IQSEC1: variants seen among roughly 807,000 people sequenced by gnomAD.
IQSEC1 encodes the protein IQ motif and SEC7 domain-containing protein 1.
In IQSEC1, 31 loss-of-function variants were observed where a neutral mutation model predicts 91.0. The observed-to-expected ratio is 0.34, with a 90% CI of 0.26 to 0.46. The LOEUF (loss-of-function observed/expected upper bound fraction) is 0.46, where lower values mean the gene tolerates loss of function less well. Ranked by LOEUF, IQSEC1 falls within the 20% of genes least tolerant of loss-of-function variation. The pLI is 1.00. For missense variants in IQSEC1, 1,388 were observed against 1,575.6 expected (o/e 0.88, Z 2.02); for synonymous variants, 699 against 662.6 (o/e 1.05, Z -0.84).
chr3:13,281,208 T>C (rs772342688), intron 1 of IQSEC1, among the ~76,000 whole-genome samples: 9 of 152,248 alleles, frequency 5.9e-5, no homozygotes, highest in South Asian at 2.1e-4. Flanking sequence ...GCTTCTCTTT[T>C]GGTCCTGGTG....
At chr3:13,069,782 C>A (rs1705354176) in intron 1 of IQSEC1, among the ~76,000 whole-genome samples, 1 of 152,190 alleles carries the variant, frequency 6.6e-6, no homozygotes. Context: ...GAAAAGGATG[C>A]TGTAGTTACA....
intron 1 of IQSEC1, among the ~76,000 whole-genome samples, chr3:12,956,918 G>A (rs982471925): frequency 5.3e-5 from 8 of 152,190 alleles, no homozygotes; most frequent in South Asian, 2.1e-4. Context: ...CGTGGGAATC[G>A]AGGGAAGACA....
At position 13,040,032 on chromosome 3, in the gene IQSEC1, A is replaced by G. The variant is rs141166000; in HGVS notation, c.23+32960T>C. On this transcript the variant is annotated intron_variant, in intron 1 of 13. Transcript: ENST00000613206. ...TTAGCGCGCAGAGTTGGTGCTCAGA[A>G]TGAAGCCTCACATGTAGCAGACACT... Among the ~76,000 whole-genome samples the G allele has an allele frequency of 2.5e-3, 374 of 152,344 alleles. 3 individuals are homozygous for G. Among genetic ancestry groups the G allele is most frequent in the African/African-American group, 8.2e-3 (342 of 41,576 alleles).
At chr3:12,997,041 G>C (rs1040832173) in intron 1 of IQSEC1, among the ~76,000 whole-genome samples, 1 of 152,210 alleles carries the variant, frequency 6.6e-6, no homozygotes, top group Non-Finnish European at 1.5e-5. Flanking sequence ...ACACAGCACT[G>C]TGTGTACCAG....
intron 2 of IQSEC1, among the ~76,000 whole-genome samples, chr3:13,129,732 A>G (rs2124912850): frequency 7.1e-6 from 1 of 140,520 alleles, no homozygotes; most frequent in Admixed American, 7.7e-5. Flanking sequence ...ATCTCAGCTC[A>G]TTGCAAGCTC....
At chr3:13,030,521 C>A (rs1210201420) in intron 1 of IQSEC1, among the ~76,000 whole-genome samples, 1 of 152,230 alleles carries the variant, frequency 6.6e-6, no homozygotes, top group African/African-American at 2.4e-5. Flanking sequence ...CCTGATCTAA[C>A]TCCCAGTTAA....
At chr3:12,941,501 T>G (rs1698741730) in intron 2 of IQSEC1, 70 bp downstream of exon 2, 2 of 1,391,174 alleles carry the variant, frequency 1.4e-6, no homozygotes, top group Admixed American at 2.5e-5. Flanking sequence ...CCATGCCTGG[T>G]GGGGGCACAC....
At chr3:13,221,209 C>G (rs574929711) in intron 1 of IQSEC1, among the ~76,000 whole-genome samples, 1 of 152,278 alleles carries the variant, frequency 6.6e-6, no homozygotes, top group African/African-American at 2.4e-5. Context: ...GCCCTGGTCA[C>G]GGTGGGGTGC....
At chr3:13,049,883 ATAC>A (rs1363199686) in intron 1 of IQSEC1, among the ~76,000 whole-genome samples, 1 of 152,068 alleles carries the variant, frequency 6.6e-6, no homozygotes, top group Non-Finnish European at 1.5e-5. Context: ...GCTGTGTGCA[ATAC>A]TCTCTCTCCA....
chr3:12,898,983 T>G lies in IQSEC1; in HGVS notation c.*2000A>C, dbSNP rs966674167. ...CCCAATCACACGGTCCCATGCTGTTTCTTTCTGAGCAGACACCAAAGAAAT... is the reference window on the plus strand; with the variant it reads ...CCCAATCACACGGTCCCATGCTGTTGCTTTCTGAGCAGACACCAAAGAAAT... On this transcript the variant is annotated 3_prime_UTR_variant, in exon 14 of 14. Transcript: ENST00000613206. 1.9e-5 allele frequency: 4 copies of G among 211,270 alleles called. No individual in the cohort carries two copies. In the South Asian group the frequency reaches 3.0e-4, roughly 16 times the overall value. The allele number at this position is 211,270 out of a possible 1,614,324, so 13.1% of individuals were successfully genotyped here. A position where few individuals can be genotyped will look rare whatever the true frequency, so the allele number is the denominator to read the frequency against.
intron 2 of IQSEC1, among the ~76,000 whole-genome samples, chr3:13,117,029 G>A (rs1194075970): frequency 6.6e-6 from 1 of 151,018 alleles, no homozygotes; most frequent in Non-Finnish European, 1.5e-5. Context: ...AGAACACTAT[G>A]AAGAAAAGTG....
At chr3:13,154,000 A>G (rs543963627) in intron 2 of IQSEC1, among the ~76,000 whole-genome samples, 30 of 152,140 alleles carry the variant, frequency 2.0e-4, no homozygotes, top group Non-Finnish European at 2.8e-4. Flanking sequence ...GAGGCAGGGC[A>G]TGGAGGGCCC....
At chr3:13,144,779 C>T (rs1039470607) in intron 2 of IQSEC1, among the ~76,000 whole-genome samples, 1 of 152,208 alleles carries the variant, frequency 6.6e-6, no homozygotes, top group Non-Finnish European at 1.5e-5. Flanking sequence ...AAGGCCAGGA[C>T]TGATAGCCCA....
chr3:13,199,523 G>A (rs958309527), intron 1 of IQSEC1, among the ~76,000 whole-genome samples: 3 of 152,086 alleles, frequency 2.0e-5, no homozygotes, highest in Non-Finnish European at 2.9e-5. Context: ...GAGCAGCACC[G>A]GTGTCCCTGC....
chr3:13,022,418 C>T (rs375043950), intron 1 of IQSEC1: 4 of 1,064,234 alleles, frequency 3.8e-6, no homozygotes, highest in South Asian at 4.5e-5. Context: ...CACAACCTTG[C>T]GCCTGCCTCC....
In IQSEC1 at chr3:12,953,297, C is replaced by T. The variant is rs1238073707; in HGVS notation, c.24-11432G>A. On this transcript the variant is annotated intron_variant, in intron 1 of 13. Coordinates refer to ENST00000613206, the MANE Select transcript of IQSEC1 (RefSeq NM_001134382.3). The stretch of plus-strand genomic sequence containing the variant: ...TGCCGGGGCAGCCCGACCCGATCCG[C>T]GAGGGACACTGAGGCTGATTGTCCG... Among the ~76,000 whole-genome samples, 5 of 152,222 alleles carry T rather than the reference C, an allele frequency of 3.3e-5. No individual in the cohort carries two copies. The East Asian group carries it at 7.7e-4, about 23-fold the overall frequency.
At chr3:12,958,532 G>A (rs1700058367) in intron 1 of IQSEC1, among the ~76,000 whole-genome samples, 1 of 152,220 alleles carries the variant, frequency 6.6e-6, no homozygotes, top group South Asian at 2.1e-4. Context: ...GCAGAGAGTA[G>A]CTGCTGCCAC....
At chr3:13,191,207 G>C (rs1414923749) in intron 1 of IQSEC1, among the ~76,000 whole-genome samples, 5 of 152,196 alleles carry the variant, frequency 3.3e-5, no homozygotes, top group Non-Finnish European at 1.5e-5. Context: ...TCTGTGCCTG[G>C]TGCTCCCTGG....
chr3:13,240,921 C>T (rs137962193), intron 1 of IQSEC1, among the ~76,000 whole-genome samples: 225 of 152,308 alleles, frequency 1.5e-3, no homozygotes, highest in African/African-American at 5.1e-3. Context: ...CATTTGTTAA[C>T]GTAGTTCTTG....
Sources: gnomAD v4.1 joint callset for allele counts (sites outside exome capture counted in the v4.1 genomes callset) on GRCh38, gnomAD v4.1.1 for gene constraint, MANE v1.5 for transcripts, NCBI Gene and HGNC (gene_info 2026-07-23, HGNC 2026-07-21) for gene names.